The following MX2 variants were observed in gnomAD, a reference collection of about 807,000 sequenced individuals.
The protein encoded by MX2 is MX dynamin like GTPase 2.
Under a neutral mutation model 74.0 loss-of-function variants are expected in MX2, and 51 were observed. That is an observed-to-expected ratio of 0.69 (90% CI 0.55 to 0.87). The LOEUF (loss-of-function observed/expected upper bound fraction) is 0.87. MX2 is among the 40% of genes least tolerant of loss of function. The pLI is 0.00. For missense variants in MX2, 832 were observed against 908.7 expected, an observed-to-expected ratio of 0.92 and a Z score of 1.09; for synonymous variants, 369 against 339.3, an observed-to-expected ratio of 1.09 and a Z score of -0.96.
rs1223649325 is a variant in MX2 at position 41,380,872 on chromosome 21, C to G, written c.577+721C>G. On this transcript the variant is annotated intron_variant, in intron 4 of 13. Transcript: ENST00000330714. The surrounding 1 kb of genome is among the most constrained non-coding windows in gnomAD (Gnocchi z 4.3). ...CCTCTCAACCTCCCTAAAGGCTTCT[C>G]CCCTATCCTGCCTGCACAGCCTGTC... Among the ~76,000 whole-genome samples, 3 of 152,196 alleles carry G rather than the reference C, an allele frequency of 2.0e-5. No homozygotes were observed. Among genetic ancestry groups the G allele is most frequent in the African/African-American group, 7.2e-5 (3 of 41,446 alleles).
chr21:41,385,353 G>A (rs190023661), intron 5 of MX2, among the ~76,000 whole-genome samples: 14 of 152,346 alleles, frequency 9.2e-5, no homozygotes, highest in East Asian at 3.9e-4. Flanking sequence ...CCCACGTGTC[G>A]TGGGAGGGAC....
Position 41,376,915 on chromosome 21 carries a change from G to A in MX2, c.9G>A (p.Lys3=), listed in dbSNP as rs368998379. 34 of 1,613,780 alleles carry A rather than the reference G, an allele frequency of 2.1e-5. No individual in the cohort carries two copies. The African/African-American group carries it at 4.4e-4, about 21-fold the overall frequency. Residue 3 remains lysine (K), a synonymous_variant, in exon 2 of 14, where the codon AAG becomes AAA. Transcript: ENST00000330714. ...TGACAGGGAGACAGCACATGTCTAA[G>A]GCCCACAAGCCTTGGCCCTACCGGA... MS[K]AHKPWPYRRR... is the part of the protein sequence containing the mutation.
Position 41,390,587 on chromosome 21 carries a change from A to G in MX2, c.755A>G (p.Tyr252Cys). Residue 252 changes from tyrosine to cysteine, a missense_variant, in exon 6 of 14, where the codon TAC (tyrosine) becomes TGC (cysteine). By Grantham distance (194) the Tyr-to-Cys change is radical (BLOSUM62 -2). Transcript: ENST00000330714. ...CAGATCAAGGCTCTCATCAAGAAGT[A>G]CATCCAGAGGCAGCAGACGATCAAC... ...GLQIKALIKK[Y>C]IQRQQTINLV... 4 of 1,614,198 alleles carry G rather than the reference A, an allele frequency of 2.5e-6. No homozygotes were observed. Among genetic ancestry groups the G allele is most frequent in the Non-Finnish European group, 3.4e-6 (4 of 1,180,022 alleles).
rs1362194250 is a variant in MX2 at position 41,382,754 on chromosome 21, G to C, written c.732+190G>C. 3.3e-5 allele frequency among the ~76,000 whole-genome samples: 5 copies of C among 152,352 alleles called. No individual in the cohort carries two copies. In the South Asian group the frequency reaches 8.3e-4, roughly 25 times the overall value. On this transcript the variant is annotated intron_variant, in intron 5 of 13. Transcript: ENST00000330714. Reference sequence around the variant, plus strand: ...GGCTTGACAAGTCACAGAAAAAAGAGAGTTGGACTCCAGGGGACTGGCAGG... The same window carrying C: ...GGCTTGACAAGTCACAGAAAAAAGACAGTTGGACTCCAGGGGACTGGCAGG...
intron 12 of MX2, among the ~76,000 whole-genome samples, chr21:41,405,044 C>T (rs776422649): frequency 6.6e-6 from 1 of 152,074 alleles, no homozygotes; most frequent in Admixed American, 6.5e-5. Flanking sequence ...TGTGGTGGCT[C>T]ACGCCTGTAA....
In MX2 at chr21:41,377,026, A is replaced by G; in HGVS notation, c.120A>G (p.Pro40=). 1 of 1,614,208 alleles carries G rather than the reference A, an allele frequency of 6.2e-7. No homozygotes were observed. The highest frequency in any genetic ancestry group is 8.5e-7 in the Non-Finnish European group (1 of 1,180,018). The part of the protein sequence containing the change: ...QQQPPPFGTV[P]PQMMFPPNWQ... ...AGCCACCGCCATTCGGCACAGTGCC[A>G]CCACAAATGATGTTTCCTCCAAACT... Residue 40 remains proline (P), a synonymous_variant, in exon 2 of 14, where the codon CCA becomes CCG. Transcript: ENST00000330714.
chr21:41,381,031 C>A (rs554926040), intron 4 of MX2, among the ~76,000 whole-genome samples: 5 of 152,332 alleles, frequency 3.3e-5, no homozygotes, highest in African/African-American at 1.2e-4. Flanking sequence ...GCCCTTTAGA[C>A]GACCCTGTGG....
intron 2 of MX2, 48 bp from the exon 3 acceptor site, chr21:41,377,741 G>A: frequency 2.6e-6 from 4 of 1,546,976 alleles, no homozygotes; most frequent in Non-Finnish European, 3.5e-6. Context: ...ATGACACCAG[G>A]GACCCTATCA....
At chr21:41,381,384 G>A (rs1027437858) in intron 4 of MX2, among the ~76,000 whole-genome samples, 1 of 152,178 alleles carries the variant, frequency 6.6e-6, no homozygotes, top group Non-Finnish European at 1.5e-5. Flanking sequence ...TCAAAGTTTT[G>A]GGTAAGAATG....
At position 41,395,593 on chromosome 21, in the gene MX2, T is replaced by C; in HGVS notation, c.878T>C (p.Leu293Pro). The C allele has an allele frequency of 6.2e-7, 1 of 1,614,118 alleles. No homozygotes were observed. The highest frequency in any genetic ancestry group is 8.5e-7 in the Non-Finnish European group (1 of 1,180,002). Residue 293 changes from leucine to proline, a missense_variant, in exon 7 of 14, where the codon CTG becomes CCG. Leu to Pro is a moderately conservative substitution (Grantham distance 98). Transcript: ENST00000330714. ...DPEGDRTIGI[L>P]TKPDLMDRGT... is the part of the protein sequence containing the mutation. ...TTCTTTAACCATCTCACAGGTATCC[T>C]GACCAAACCAGATCTAATGGACAGG... is the stretch of plus-strand genomic sequence containing the variant.
At position 41,380,516 on chromosome 21, in the gene MX2, C is replaced by T. The variant is rs916916778; in HGVS notation, c.577+365C>T. On this transcript the variant is annotated intron_variant, in intron 4 of 13. Transcript: ENST00000330714. This position sits in a 1 kb window ranked among gnomAD's most constrained non-coding sequence, Gnocchi z 4.3. ...CCCCTTCACCTGCCCAATCCCTACT[C>T]GATCTTTGGATCTCAGGTCACCTGC... Among the ~76,000 whole-genome samples the T allele has an allele frequency of 3.9e-5, 6 of 152,188 alleles. No homozygotes were observed. Among genetic ancestry groups the T allele is most frequent in the African/African-American group, 7.2e-5 (3 of 41,424 alleles).
chr21:41,376,557 A>T (rs1347413947), intron 1 of MX2, among the ~76,000 whole-genome samples: 4 of 144,692 alleles, frequency 2.8e-5, no homozygotes, highest in Non-Finnish European at 4.7e-5. Context: ...CAACAACAAC[A>T]ACAACAACTA....
At position 41,376,546 on chromosome 21, in the gene MX2, T is replaced by TCAA. The variant is rs56871493; in HGVS notation, c.-71-273_-71-271dup. On this transcript the variant is annotated intron_variant, in intron 1 of 13. Coordinates refer to ENST00000330714, the MANE Select transcript of MX2 (RefSeq NM_002463.2). The stretch of plus-strand genomic sequence containing the variant: ...CTGGGTGACAGAGTGAGACCCTGTC[T>TCAA]CAACAACAACAACAACAACTACAAG... 2.4e-3 allele frequency among the ~76,000 whole-genome samples: 368 copies of TCAA among 151,946 alleles called. 2 individuals are homozygous for TCAA. Among genetic ancestry groups the TCAA allele is most frequent in the African/African-American group, 8.2e-3 (341 of 41,402 alleles).
In MX2 at chr21:41,408,018, A is replaced by T; in HGVS notation, c.1933A>T (p.Ile645Phe). Residue 645 changes from isoleucine to phenylalanine, a missense_variant, in exon 14 of 14, where the codon ATC (isoleucine) becomes TTC (phenylalanine). Coordinates refer to ENST00000330714, the MANE Select transcript of MX2 (RefSeq NM_002463.2). ...AACCAGCAAACGTCTCGCCAACCAG[A>T]TCCCATTTATAATTCAGTATTTTAT... is the stretch of plus-strand genomic sequence containing the variant. Reference protein sequence around the residue: ...LETSKRLANQIPFIIQYFMLR... With the variant: ...LETSKRLANQFPFIIQYFMLR... 8.1e-6 allele frequency: 13 copies of T among 1,614,132 alleles called. No homozygotes were observed. The highest frequency in any genetic ancestry group is 1.1e-5 in the Non-Finnish European group (13 of 1,180,024).
intron 7 of MX2, 119 bp from the exon 8 acceptor site, chr21:41,397,494 C>A: frequency 1.2e-6 from 1 of 826,606 alleles, no homozygotes; most frequent in Non-Finnish European, 1.9e-6. Context: ...CACCACTTGG[C>A]TTTTCTGATG....
Position 41,408,606 on chromosome 21 carries a change from C to T in MX2, c.*373C>T. On this transcript the variant is annotated 3_prime_UTR_variant, in exon 14 of 14. Transcript: ENST00000330714. ...CAAATTCTTCTTTTGTATGTCCAGT[C>T]TCCTGCACAGCACCTGCAGCATTGT... 4.5e-6 allele frequency: 1 copy of T among 220,424 alleles called. No homozygotes were observed. Among genetic ancestry groups the T allele is most frequent in the Non-Finnish European group, 9.0e-6 (1 of 111,288 alleles). 13.7% of individuals were successfully genotyped at this position (220,424 alleles called of 1,614,324 possible).
intron 5 of MX2, among the ~76,000 whole-genome samples, chr21:41,384,794 G>A (rs1042986411): frequency 1.3e-3 from 192 of 150,408 alleles, no homozygotes; most frequent in African/African-American, 4.5e-3. Context: ...AGCCAAGATC[G>A]TGCCACTGGA....
At position 41,397,768 on chromosome 21, in the gene MX2, A is replaced by T. The variant is rs997689540; in HGVS notation, c.1149+77A>T. ...CTCTCTTGGTCTGGAGTTGGCTAAG[A>T]TGCCCCACTGATCTGTCCAAACAAG... On this transcript the variant is annotated intron_variant, in intron 8 of 13. Transcript: ENST00000330714. 3.9e-6 allele frequency: 5 copies of T among 1,266,378 alleles called. No individual in the cohort carries two copies. The African/African-American group carries it at 7.3e-5, about 19-fold the overall frequency. 78.4% of individuals were successfully genotyped at this position (1,266,378 alleles called of 1,614,324 possible). A position where few individuals can be genotyped will look rare whatever the true frequency, so the allele number is the denominator to read the frequency against.
chr21:41,393,114 A>C (rs2089684247), intron 6 of MX2, among the ~76,000 whole-genome samples: 1 of 141,896 alleles, frequency 7.0e-6, no homozygotes, highest in Non-Finnish European at 1.5e-5. Context: ...AAAAAGCAAA[A>C]AAAAAAAAAA....
Sources: gnomAD v4.1 joint callset for allele counts (sites outside exome capture counted in the v4.1 genomes callset) on GRCh38, gnomAD v4.1.1 for gene constraint, Gnocchi (gnomAD v3.1) non-coding constraint, MANE v1.5 for transcripts, NCBI Gene and HGNC (gene_info 2026-07-23, HGNC 2026-07-21) for gene names.